ANTXR1: variants seen among roughly 807,000 people sequenced by gnomAD.
ANTXR1 encodes the protein anthrax toxin receptor 1.
Under a neutral mutation model 78.1 loss-of-function variants are expected in ANTXR1, and 19 were observed. That is an observed-to-expected ratio of 0.24 (90% CI 0.17 to 0.36). The LOEUF (loss-of-function observed/expected upper bound fraction) is 0.36. Among genes scored for constraint, ANTXR1 ranks in the 10% least tolerant of loss-of-function variants. The pLI, the probability that ANTXR1 is intolerant of heterozygous loss-of-function variation, is 1.00. For missense variants in ANTXR1, 518 were observed against 718.6 expected (o/e 0.72, Z 3.19); for synonymous variants, 273 against 260.5 (o/e 1.05, Z -0.46).
chr2:69,077,592 TTAAGAGAACATCATTTCTTCCTA>T, intron 8 of ANTXR1, 104 bp downstream of exon 8: 1 of 1,199,544 alleles, frequency 8.3e-7, no homozygotes, highest in Non-Finnish European at 1.2e-6. Flanking sequence ...GTTTTTCTGC[TTAAGAGAACATCATTTCTTCCTA>T]TATCTTTGTG....
chr2:69,210,297 C>T (rs1675008720), intron 17 of ANTXR1, among the ~76,000 whole-genome samples: 1 of 152,208 alleles, frequency 6.6e-6, no homozygotes, highest in African/African-American at 2.4e-5. Flanking sequence ...TTATTTATCA[C>T]CCCTTTGTTT....
intron 13 of ANTXR1, among the ~76,000 whole-genome samples, chr2:69,159,034 G>A (rs772427061): frequency 2.7e-4 from 41 of 152,028 alleles, no homozygotes; most frequent in South Asian, 2.1e-4. Context: ...AAGAGTGTTC[G>A]ATGCAGAAGG....
At chr2:69,215,435 A>G (rs902120440) in intron 17 of ANTXR1, among the ~76,000 whole-genome samples, 2 of 152,222 alleles carry the variant, frequency 1.3e-5, no homozygotes, top group African/African-American at 2.4e-5. Context: ...GAGCATAGTC[A>G]AAACTTCCAT....
chr2:69,136,657 G>A (rs1672915312), intron 12 of ANTXR1, among the ~76,000 whole-genome samples: 1 of 152,196 alleles, frequency 6.6e-6, no homozygotes. Context: ...TTGTCATCTT[G>A]AGGGTTTATG....
chr2:69,137,330 T>G (rs1053186700), intron 12 of ANTXR1, among the ~76,000 whole-genome samples: 1 of 152,172 alleles, frequency 6.6e-6, no homozygotes, highest in African/African-American at 2.4e-5. Context: ...AAAACCAAGC[T>G]TACATAAATT....
chr2:69,128,099 C>T (rs1672606774), intron 12 of ANTXR1, among the ~76,000 whole-genome samples: 2 of 152,080 alleles, frequency 1.3e-5, no homozygotes, highest in African/African-American at 4.8e-5. Context: ...TGGCACATGC[C>T]TGTAGTCCCA....
In ANTXR1 at chr2:69,232,481, G is replaced by A. The variant is rs371115653; in HGVS notation, c.1435-12744G>A. On this transcript the variant is annotated intron_variant, in intron 17 of 17. Transcript: ENST00000303714. Reference sequence around the variant, plus strand: ...CCACTGCACTCCAGCCTAGGCGACAGACCGAGAGCTTGTCTCCAAAAAAAA... The same window carrying A: ...CCACTGCACTCCAGCCTAGGCGACAAACCGAGAGCTTGTCTCCAAAAAAAA... Among the ~76,000 whole-genome samples, 55 of 146,256 alleles carry A rather than the reference G, an allele frequency of 3.8e-4. 1 individual carries two copies. In the East Asian group the frequency reaches 5.8e-3, roughly 16 times the overall value.
chr2:69,216,808 T>C (rs1675190155), intron 17 of ANTXR1, among the ~76,000 whole-genome samples: 1 of 152,242 alleles, frequency 6.6e-6, no homozygotes, highest in Non-Finnish European at 1.5e-5. Flanking sequence ...ATGAGTTTAA[T>C]ACTACCAACA....
intron 12 of ANTXR1, among the ~76,000 whole-genome samples, chr2:69,132,709 C>A (rs760926669): frequency 4.6e-5 from 7 of 152,154 alleles, no homozygotes; most frequent in Non-Finnish European, 7.3e-5. Context: ...CAATTCATTC[C>A]AGTGCTTTAT....
chr2:69,118,599 G>A (rs766797647), intron 10 of ANTXR1, among the ~76,000 whole-genome samples: 9 of 152,132 alleles, frequency 5.9e-5, no homozygotes, highest in South Asian at 2.1e-4. Context: ...AGTGAGCAGC[G>A]AAATGGCCAC....
At chr2:69,024,860 T>C (rs1433798152) in intron 1 of ANTXR1, among the ~76,000 whole-genome samples, 3 of 152,198 alleles carry the variant, frequency 2.0e-5, no homozygotes, top group Non-Finnish European at 4.4e-5. Flanking sequence ...TGACAATCAA[T>C]TCTAAAATTG....
At chr2:69,236,694 T>G (rs1573996799) in intron 17 of ANTXR1, among the ~76,000 whole-genome samples, 1 of 152,236 alleles carries the variant, frequency 6.6e-6, no homozygotes, top group South Asian at 2.1e-4. Context: ...ATAAATAGTT[T>G]TATCACAGCA....
chr2:69,030,146 TCA>T (rs1201999728), intron 1 of ANTXR1, among the ~76,000 whole-genome samples: 1 of 152,144 alleles, frequency 6.6e-6, no homozygotes, highest in Non-Finnish European at 1.5e-5. Flanking sequence ...GGTAAAATGC[TCA>T]GTCTTTCAAA....
At chr2:69,172,258 A>G in intron 14 of ANTXR1, 1 of 849,712 alleles carries the variant, frequency 1.2e-6, no homozygotes, top group Non-Finnish European at 2.0e-6. Context: ...AAATTTAAAC[A>G]TTGTACTTTT....
At chr2:69,220,546 T>C (rs1675293726) in intron 17 of ANTXR1, among the ~76,000 whole-genome samples, 1 of 152,246 alleles carries the variant, frequency 6.6e-6, no homozygotes, top group Non-Finnish European at 1.5e-5. Context: ...ACAGCTTGTA[T>C]GTAGAACATA....
Position 69,172,146 on chromosome 2 carries a change from C to G in ANTXR1, c.1089+1857C>G, listed in dbSNP as rs920758076. Among the ~76,000 whole-genome samples the G allele has an allele frequency of 1.4e-4, 22 of 152,140 alleles. 1 individual carries two copies. Among genetic ancestry groups the G allele is most frequent in the Admixed American group, 1.2e-3 (19 of 15,272 alleles). On this transcript the variant is annotated intron_variant, in intron 14 of 17. Coordinates refer to ENST00000303714, the MANE Select transcript of ANTXR1 (RefSeq NM_032208.3). ...AACATTCCCTTCCTGGAGTCTAGAT[C>G]CCCTCCCCTCCATTTCCCTTTGAAA...
chr2:69,076,141 C>CT, intron 7 of ANTXR1, among the ~76,000 whole-genome samples: 1 of 151,504 alleles, frequency 6.6e-6, no homozygotes, highest in Admixed American at 6.6e-5. Flanking sequence ...CACTTGGCTA[C>CT]TTTTTTTTAA....
At position 69,240,406 on chromosome 2, in the gene ANTXR1, G is replaced by A. The variant is rs540260306; in HGVS notation, c.1435-4819G>A. On this transcript the variant is annotated intron_variant, in intron 17 of 17. Coordinates refer to ENST00000303714, the MANE Select transcript of ANTXR1 (RefSeq NM_032208.3). ...AAATATTTGTGGAGGGCATAGGGTG[G>A]ACCAAGCTGGACATCTTGCAAGAAA... Among the ~76,000 whole-genome samples the A allele has an allele frequency of 5.1e-4, 77 of 152,350 alleles. 1 individual carries two copies. The highest frequency in any genetic ancestry group is 1.8e-3 in the African/African-American group (74 of 41,586).
At chr2:69,235,628 G>C (rs1045252884) in intron 17 of ANTXR1, among the ~76,000 whole-genome samples, 2 of 144,556 alleles carry the variant, frequency 1.4e-5, no homozygotes, top group African/African-American at 5.2e-5. Context: ...CTCCAACCTG[G>C]GTCACAGAGT....
Sources: allele counts gnomAD v4.1 joint callset (sites outside exome capture counted in the v4.1 genomes callset), GRCh38; gene constraint gnomAD v4.1.1; transcripts MANE v1.5; gene names NCBI Gene and HGNC (gene_info 2026-07-23, HGNC 2026-07-21).